Variants in DPF3 observed in about 807,000 individuals in gnomAD.
DPF3 encodes double PHD fingers 3.
DPF3 carries 18 observed loss-of-function variants against 56.8 expected under a neutral mutation model. The observed-to-expected ratio is 0.32, with a 90% CI of 0.22 to 0.47. The LOEUF (loss-of-function observed/expected upper bound fraction) is 0.47. DPF3 is among the 20% of genes least tolerant of loss of function. DPF3 has a pLI of 1.00. For synonymous variants in DPF3, 188 were observed against 180.2 expected (o/e 1.04, Z -0.35); for missense variants, 403 against 488.8 (o/e 0.82, Z 1.65).
intron 7 of DPF3, among the ~76,000 whole-genome samples, chr14:72,686,397 CAGG>C (rs1180237948): frequency 6.6e-6 from 1 of 152,236 alleles, no homozygotes; most frequent in Non-Finnish European, 1.5e-5. Flanking sequence ...CCCATGAAGT[CAGG>C]AGGATTATTA....
chr14:72,724,515 C>A (rs1389914967), intron 4 of DPF3, among the ~76,000 whole-genome samples: 1 of 152,000 alleles, frequency 6.6e-6, no homozygotes, highest in Non-Finnish European at 1.5e-5. Flanking sequence ...TGTAATCTGG[C>A]ATACTCTCCA....
intron 1 of DPF3, among the ~76,000 whole-genome samples, chr14:72,868,283 C>G (rs1185424639): frequency 6.6e-6 from 1 of 152,162 alleles, no homozygotes; most frequent in Non-Finnish European, 1.5e-5. Context: ...TTGTAATGGT[C>G]TCTACTAGGA....
rs112064061 is a variant in DPF3 at position 72,609,333 on chromosome 14, C to T, written c.*9964G>A. On this transcript the variant is annotated 3_prime_UTR_variant, in exon 11 of 11. Coordinates refer to ENST00000556509, the MANE Select transcript of DPF3 (RefSeq NM_001280542.3). ...CAAGAGAGGTGGGGTGGTCCTGGCACGTGGGCCACCAGTCTTCTGAATGAA... is the reference window on the plus strand; with the variant it reads ...CAAGAGAGGTGGGGTGGTCCTGGCATGTGGGCCACCAGTCTTCTGAATGAA... Among the ~76,000 whole-genome samples the T allele has an allele frequency of 6.6e-6, 1 of 152,162 alleles. No individual in the cohort carries two copies. The highest frequency in any genetic ancestry group is 1.5e-5 in the Non-Finnish European group (1 of 68,048).
intron 2 of DPF3, among the ~76,000 whole-genome samples, chr14:72,769,340 T>C (rs1368227853): frequency 6.6e-6 from 1 of 152,022 alleles, no homozygotes; most frequent in African/African-American, 2.4e-5. Context: ...TTCATCCTAA[T>C]ATTAGGATGG....
At position 72,612,334 on chromosome 14, in the gene DPF3, GC is replaced by G. The variant is rs1163734919; in HGVS notation, c.*6962del. 2 of 435,258 alleles carry G rather than the reference GC, an allele frequency of 4.6e-6. No individual in the cohort carries two copies. The highest frequency in any genetic ancestry group is 4.9e-5 in the Admixed American group (2 of 40,804). 27.0% of individuals were successfully genotyped at this position (435,258 alleles called of 1,614,324 possible). A position where few individuals can be genotyped will look rare whatever the true frequency, so the allele number is the denominator to read the frequency against. ...CAGGGACGCCCTGCCTACCTACCCCGCCTCTCTCCAGCCACCTGCTCCCCAC... is the reference window on the plus strand; with the variant it reads ...CAGGGACGCCCTGCCTACCTACCCCGCTCTCTCCAGCCACCTGCTCCCCAC... On this transcript the variant is annotated 3_prime_UTR_variant, in exon 11 of 11. Coordinates refer to ENST00000556509, the MANE Select transcript of DPF3 (RefSeq NM_001280542.3).
intron 1 of DPF3, among the ~76,000 whole-genome samples, chr14:72,810,570 G>C (rs978742352): frequency 4.0e-5 from 6 of 151,276 alleles, no homozygotes; most frequent in African/African-American, 1.2e-4. Context: ...CACACAAATG[G>C]CATGACTCTA....
At chr14:72,773,108 A>C (rs1891603307) in intron 1 of DPF3, among the ~76,000 whole-genome samples, 1 of 148,872 alleles carries the variant, frequency 6.7e-6, no homozygotes, top group Non-Finnish European at 1.5e-5. Flanking sequence ...TAAAAAAAGC[A>C]AAATTGGGGT....
At chr14:72,854,992 A>G (rs1885122113) in intron 1 of DPF3, among the ~76,000 whole-genome samples, 1 of 152,180 alleles carries the variant, frequency 6.6e-6, no homozygotes, top group South Asian at 2.1e-4. Flanking sequence ...CCTCACCTTT[A>G]ATATTAATAA....
chr14:72,621,974 G>A (rs1396690820), intron 9 of DPF3, among the ~76,000 whole-genome samples: 1 of 152,206 alleles, frequency 6.6e-6, no homozygotes, highest in Non-Finnish European at 1.5e-5. Flanking sequence ...GTTGAAGAGA[G>A]CAGGAGAGAA....
At chr14:72,878,290 A>G (rs752584751) in intron 1 of DPF3, among the ~76,000 whole-genome samples, 11 of 152,134 alleles carry the variant, frequency 7.2e-5, no homozygotes, top group African/African-American at 1.4e-4. Context: ...ATCTCTCTCA[A>G]TACAAGAGAG....
chr14:72,773,314 A>T (rs559253069), intron 1 of DPF3, among the ~76,000 whole-genome samples: 1 of 151,960 alleles, frequency 6.6e-6, no homozygotes, highest in East Asian at 1.9e-4. Context: ...TTATATTTTT[A>T]GTAGAGACAG....
intron 1 of DPF3, among the ~76,000 whole-genome samples, chr14:72,888,645 C>T (rs1283496579): frequency 6.6e-6 from 1 of 152,224 alleles, no homozygotes; most frequent in Non-Finnish European, 1.5e-5. Context: ...CACTCTCCAT[C>T]TTTCCTTGTT....
intron 3 of DPF3, among the ~76,000 whole-genome samples, chr14:72,737,376 A>C (rs1359059174): frequency 6.6e-6 from 1 of 151,994 alleles, no homozygotes; most frequent in African/African-American, 2.4e-5. Context: ...CAAAGCTTCC[A>C]CTGGGTTGTT....
chr14:72,684,025 A>G (rs1469207112), intron 7 of DPF3, among the ~76,000 whole-genome samples: 3 of 152,126 alleles, frequency 2.0e-5, no homozygotes, highest in Non-Finnish European at 4.4e-5. Flanking sequence ...TGAGAGTGAC[A>G]TCATCTGCTT....
intron 2 of DPF3, among the ~76,000 whole-genome samples, chr14:72,770,702 T>C (rs1387550642): frequency 6.6e-6 from 1 of 152,232 alleles, no homozygotes; most frequent in Non-Finnish European, 1.5e-5. Flanking sequence ...GGATGTGTTT[T>C]ACTATTGTCT....
intron 1 of DPF3, among the ~76,000 whole-genome samples, chr14:72,883,019 A>T (rs1486284875): frequency 6.6e-6 from 1 of 152,170 alleles, no homozygotes; most frequent in African/African-American, 2.4e-5. Context: ...CAGGCAATCC[A>T]TGTTGGTTGT....
At chr14:72,626,525 A>G (rs1884838124) in intron 9 of DPF3, among the ~76,000 whole-genome samples, 2 of 152,212 alleles carry the variant, frequency 1.3e-5, no homozygotes, top group South Asian at 4.1e-4. Context: ...ATTCTTTTTT[A>G]CAGCTGTATA....
At chr14:72,689,516 C>T (rs1329445074) in intron 7 of DPF3, among the ~76,000 whole-genome samples, 1 of 152,144 alleles carries the variant, frequency 6.6e-6, no homozygotes, top group African/African-American at 2.4e-5. Flanking sequence ...GAAGCTGAGA[C>T]CTTAGGATGC....
intron 6 of DPF3, among the ~76,000 whole-genome samples, chr14:72,710,946 A>G (rs1888627609): frequency 1.3e-5 from 2 of 152,260 alleles, no homozygotes; most frequent in Non-Finnish European, 1.5e-5. Context: ...CTGAGACGGA[A>G]GAAATTCAAT....
Sources: gnomAD v4.1 joint callset for allele counts (sites outside exome capture counted in the v4.1 genomes callset) on GRCh38, gnomAD v4.1.1 for gene constraint, MANE v1.5 for transcripts, NCBI Gene and HGNC (gene_info 2026-07-23, HGNC 2026-07-21) for gene names.